Variants in RBFOX1 observed in about 807,000 individuals in gnomAD.
The protein encoded by RBFOX1 is RNA binding fox-1 homolog 1.
A neutral mutation model predicts 57.7 loss-of-function variants in RBFOX1; 8 were observed. The observed-to-expected ratio is 0.14, with a 90% CI of 0.08 to 0.25. The LOEUF is 0.25. Among genes scored for constraint, RBFOX1 ranks in the 10% least tolerant of loss-of-function variants. RBFOX1 has a pLI of 1.00. For synonymous variants in RBFOX1, 326 were observed against 222.4 expected (o/e 1.47, Z -4.15); for missense variants, 611 against 548.5 (o/e 1.11, Z -1.14).
At chr16:5,568,023 C>T (rs1387482934) in intron 2 of RBFOX1, among the ~76,000 whole-genome samples, 1 of 152,204 alleles carries the variant, frequency 6.6e-6, no homozygotes, top group African/African-American at 2.4e-5. Context: ...TGCTCTATAG[C>T]CTGACACCAG....
At chr16:7,487,113 T>C (rs1567446928) in intron 4 of RBFOX1, among the ~76,000 whole-genome samples, 1 of 152,242 alleles carries the variant, frequency 6.6e-6, no homozygotes, top group East Asian at 1.9e-4. Context: ...TTGGGCAAGC[T>C]GATCTCGAAC....
chr16:5,869,565 C>G (rs761726675), intron 4 of RBFOX1, among the ~76,000 whole-genome samples: 2 of 152,052 alleles, frequency 1.3e-5, no homozygotes. Context: ...CCATGCCTAG[C>G]TAGTTTTTGT....
intron 15 of RBFOX1, 115 bp downstream of exon 15, chr16:7,709,246 T>C: frequency 9.1e-7 from 1 of 1,100,060 alleles, no homozygotes; most frequent in African/African-American, 1.6e-5. Flanking sequence ...ATTTGTCTCT[T>C]GTGCTAACAG....
chr16:5,559,316 T>C (rs1243406132), intron 2 of RBFOX1, among the ~76,000 whole-genome samples: 1 of 152,182 alleles, frequency 6.6e-6, no homozygotes, highest in Non-Finnish European at 1.5e-5. Flanking sequence ...TTCCATGACG[T>C]ACATCTTAAG....
intron 3 of RBFOX1, among the ~76,000 whole-genome samples, chr16:6,984,964 G>A (rs980820111): frequency 1.3e-5 from 2 of 152,052 alleles, no homozygotes; most frequent in Non-Finnish European, 2.9e-5. Context: ...CAAATCTACT[G>A]TAAGGAAAGT....
chr16:6,926,074 G>C (rs1036008021), intron 3 of RBFOX1, among the ~76,000 whole-genome samples: 2 of 152,056 alleles, frequency 1.3e-5, no homozygotes, highest in Non-Finnish European at 2.9e-5. Flanking sequence ...GGGAGGCCGA[G>C]GTGGGTTGAT....
At chr16:6,905,739 A>G (rs1437675248) in intron 3 of RBFOX1, among the ~76,000 whole-genome samples, 1 of 152,204 alleles carries the variant, frequency 6.6e-6, no homozygotes, top group Non-Finnish European at 1.5e-5. Flanking sequence ...TGCCTGAGGC[A>G]AGTTTGCATG....
chr16:7,689,763 G>A (rs1598168352), intron 14 of RBFOX1, among the ~76,000 whole-genome samples: 1 of 152,026 alleles, frequency 6.6e-6, no homozygotes. Context: ...AAATGCATAA[G>A]AAGTGGTCCA....
intron 1 of RBFOX1, among the ~76,000 whole-genome samples, chr16:6,023,146 A>G (rs2095117153): frequency 6.6e-6 from 1 of 152,126 alleles, no homozygotes; most frequent in South Asian, 2.1e-4. Flanking sequence ...ACAGTTTTTT[A>G]CATCACCCTG....
chr16:6,473,986 C>G (rs1328879455), intron 2 of RBFOX1, among the ~76,000 whole-genome samples: 1 of 152,122 alleles, frequency 6.6e-6, no homozygotes, highest in Non-Finnish European at 1.5e-5. Flanking sequence ...AGATAGTAAT[C>G]TGACTTCCTT....
chr16:5,768,672 C>A (rs965364280), intron 3 of RBFOX1, among the ~76,000 whole-genome samples: 12 of 152,160 alleles, frequency 7.9e-5, no homozygotes, highest in African/African-American at 2.7e-4. Context: ...TCCACTCTGC[C>A]TGCTGGGGAG....
downstream of RBFOX1, chr16:5,601,704 A>G (rs1596398442): frequency 6.6e-6 from 1 of 152,336 alleles, no homozygotes; most frequent in East Asian, 1.9e-4. Context: ...CATTTTGCAG[A>G]TGGGGAAATG....
At chr16:5,801,578 G>A (rs908173133) in intron 3 of RBFOX1, among the ~76,000 whole-genome samples, 1 of 151,974 alleles carries the variant, frequency 6.6e-6, no homozygotes, top group African/African-American at 2.4e-5. Context: ...AGTGGGGTTT[G>A]GTTACTTTGG....
intron 4 of RBFOX1, among the ~76,000 whole-genome samples, chr16:7,350,022 C>T (rs977657874): frequency 6.6e-6 from 1 of 152,130 alleles, no homozygotes; most frequent in Non-Finnish European, 1.5e-5. Context: ...TGGCGCATGC[C>T]TGTAGTTTCA....
At chr16:6,045,486 G>C (rs1023482427) in intron 1 of RBFOX1, among the ~76,000 whole-genome samples, 1 of 152,190 alleles carries the variant, frequency 6.6e-6, no homozygotes, top group Non-Finnish European at 1.5e-5. Flanking sequence ...CCACATTAAT[G>C]ATGAGTCTGT....
At position 6,523,895 on chromosome 16, in the gene RBFOX1, G is replaced by C. The variant is rs568068780; in HGVS notation, c.-63-130708G>C. On this transcript the variant is annotated intron_variant, in intron 2 of 15. Coordinates refer to ENST00000550418, the MANE Select transcript of RBFOX1 (RefSeq NM_018723.4). ...TTTTTATGAGTACATAATAGGTATA[G>C]ATACTTATGGGATGCATGAGACATT... 2.0e-5 allele frequency among the ~76,000 whole-genome samples: 3 copies of C among 152,234 alleles called. No individual in the cohort carries two copies. In the South Asian group the frequency reaches 6.2e-4, roughly 32 times the overall value.
intron 3 of RBFOX1, among the ~76,000 whole-genome samples, chr16:6,742,039 A>C (rs1018581084): frequency 2.0e-5 from 3 of 152,210 alleles, no homozygotes; most frequent in African/African-American, 7.2e-5. Context: ...TATGTTCATT[A>C]ACTTGAGTTA....
chr16:6,906,521 C>G (rs890679853), intron 3 of RBFOX1, among the ~76,000 whole-genome samples: 4 of 152,058 alleles, frequency 2.6e-5, no homozygotes, highest in African/African-American at 4.8e-5. Flanking sequence ...TAACCGCAAT[C>G]TAATCTCTAG....
intron 10 of RBFOX1, among the ~76,000 whole-genome samples, chr16:7,613,241 A>G (rs2057864185): frequency 6.6e-6 from 1 of 152,142 alleles, no homozygotes; most frequent in South Asian, 2.1e-4. Context: ...GAAAAGAACA[A>G]TTTGTGGTTT....
Sources: allele counts gnomAD v4.1 joint callset (sites outside exome capture counted in the v4.1 genomes callset), GRCh38; gene constraint gnomAD v4.1.1; transcripts MANE v1.5; gene names NCBI Gene and HGNC (gene_info 2026-07-23, HGNC 2026-07-21).